DENND3: variants seen among roughly 807,000 people sequenced by gnomAD.
DENND3 encodes DENN domain containing 3.
DENND3 carries 88 observed loss-of-function variants against 135.1 expected under a neutral mutation model. That is an observed-to-expected ratio of 0.65 (90% confidence interval 0.55 to 0.78). The LOEUF (loss-of-function observed/expected upper bound fraction) is 0.78, where lower values mean the gene tolerates loss of function less well. Among genes scored for constraint, DENND3 ranks in the 30% least tolerant of loss-of-function variants. The pLI, the probability that DENND3 is intolerant of heterozygous loss-of-function variation, is 0.00. For synonymous variants in DENND3, 693 were observed against 712.3 expected (o/e 0.97, Z 0.43); for missense variants, 1,392 against 1,688.4 (o/e 0.82, Z 3.08).
rs1817850226 is a variant in DENND3 at position 141,144,747 on chromosome 8, A to C, written c.735+488A>C. ...GCATTAGGTTAAAATGGAGATCCTA[A>C]GACCGACAGAACAGACTCTCTGTGG... On this transcript the variant is annotated intron_variant, in intron 5 of 22. Coordinates refer to ENST00000519811, the MANE Select transcript of DENND3 (RefSeq NM_001352890.3). This position sits in a 1 kb window ranked among gnomAD's most constrained non-coding sequence, Gnocchi z 4.4. Among the ~76,000 whole-genome samples, 1 of 152,206 alleles carries C rather than the reference A, an allele frequency of 6.6e-6. No homozygotes were observed. The highest frequency in any genetic ancestry group is 2.4e-5 in the African/African-American group (1 of 41,452).
At chr8:141,148,168 C>T (rs1326904445) in intron 5 of DENND3, among the ~76,000 whole-genome samples, 1 of 152,066 alleles carries the variant, frequency 6.6e-6, no homozygotes, top group Non-Finnish European at 1.5e-5. Context: ...TGAGATGGGT[C>T]TTGTGTTTTG....
intron 7 of DENND3, among the ~76,000 whole-genome samples, chr8:141,152,979 G>T (rs1347067498): frequency 3.9e-5 from 6 of 151,974 alleles, no homozygotes; most frequent in African/African-American, 1.5e-4. Context: ...ATCTCACTGT[G>T]GTTTGATGTG....
At chr8:141,193,573 C>G in intron 22 of DENND3, 1 of 166,960 alleles carries the variant, frequency 6.0e-6, no homozygotes, top group Admixed American at 5.6e-5. Flanking sequence ...ACTTCCAGGC[C>G]CCGAGCAAGT....
intron 17 of DENND3, among the ~76,000 whole-genome samples, chr8:141,181,784 T>G (rs1172233294): frequency 1.3e-5 from 2 of 152,186 alleles, no homozygotes; most frequent in Non-Finnish European, 2.9e-5. Context: ...TATTTTTTAT[T>G]TTTTTGAGTC....
chr8:141,190,204 G>A (rs773224731), intron 19 of DENND3, 80 bp from the exon 20 acceptor site: 7 of 1,434,936 alleles, frequency 4.9e-6, no homozygotes, highest in Admixed American at 2.6e-5. Context: ...ATGGCGACTT[G>A]GTTCTCTCTT....
intron 4 of DENND3, chr8:141,142,363 G>A: frequency 2.2e-6 from 1 of 456,834 alleles, no homozygotes; most frequent in Non-Finnish European, 4.4e-6. Context: ...ATGAGCCACG[G>A]CAAATCGCTG....
At chr8:141,170,062 C>G (rs1486623644) in intron 13 of DENND3, among the ~76,000 whole-genome samples, 1 of 152,252 alleles carries the variant, frequency 6.6e-6, no homozygotes, top group Non-Finnish European at 1.5e-5. Context: ...AGTCTCGACT[C>G]TCGCCCGTTG....
rs1815956337 is a variant in DENND3, at chr8:141,130,726, G to A, written c.102+1917G>A. On this transcript the variant is annotated intron_variant, in intron 1 of 22. Coordinates refer to ENST00000519811, the MANE Select transcript of DENND3 (RefSeq NM_001352890.3). This position sits in a 1 kb window ranked among gnomAD's most constrained non-coding sequence, Gnocchi z 4.2. ...TTTTGAGACAGAGTTTTGCTCTGTT[G>A]CCCAGGATGGAGTGCCATGGTGCAA... Among the ~76,000 whole-genome samples, 1 of 146,420 alleles carries A rather than the reference G, an allele frequency of 6.8e-6. No individual in the cohort carries two copies. The highest frequency in any genetic ancestry group is 1.5e-5 in the Non-Finnish European group (1 of 66,924).
intron 1 of DENND3, among the ~76,000 whole-genome samples, chr8:141,134,809 G>A (rs1816575973): frequency 6.6e-6 from 1 of 152,084 alleles, no homozygotes; most frequent in Non-Finnish European, 1.5e-5. Context: ...TGTCAGCCAA[G>A]GTCCCATTTC....
intron 6 of DENND3, 37 bp from the exon 7 acceptor site, chr8:141,151,580 TTA>T: frequency 3.8e-6 from 6 of 1,579,558 alleles, no homozygotes; most frequent in Admixed American, 1.7e-5. Flanking sequence ...TTTTTTTTTT[TTA>T]AAAGCATGTA....
Position 141,155,834 on chromosome 8 carries a change from T to C in DENND3, c.1075-15T>C, listed in dbSNP as rs1184306097. On this transcript the variant is annotated splice_polypyrimidine_tract_variant and intron_variant, in intron 7 of 22. Coordinates refer to ENST00000519811, the MANE Select transcript of DENND3 (RefSeq NM_001352890.3). Reference sequence around the variant, plus strand: ...TTCTTTTATCAATCTTTACAGATGATTCCTTGTTTTCTAGGAAGCCGACGG... The same window carrying C: ...TTCTTTTATCAATCTTTACAGATGACTCCTTGTTTTCTAGGAAGCCGACGG... The C allele has an allele frequency of 1.3e-6, 2 of 1,577,316 alleles. No homozygotes were observed. Among genetic ancestry groups the C allele is most frequent in the South Asian group, 2.3e-5 (2 of 85,458 alleles).
At position 141,146,789 on chromosome 8, in the gene DENND3, T is replaced by C. The variant is rs1322132314; in HGVS notation, c.735+2530T>C. Reference sequence around the variant, plus strand: ...CTCCCAGAAGCCTTTGTAGGGCATGTTTATCGGCCGCGTGTTTTATGTGGA... The same window carrying C: ...CTCCCAGAAGCCTTTGTAGGGCATGCTTATCGGCCGCGTGTTTTATGTGGA... On this transcript the variant is annotated intron_variant, in intron 5 of 22. Transcript: ENST00000519811. This position sits in a 1 kb window ranked among gnomAD's most constrained non-coding sequence, Gnocchi z 4.3. Among the ~76,000 whole-genome samples, 9 of 152,124 alleles carry C rather than the reference T, an allele frequency of 5.9e-5. No individual in the cohort carries two copies. The highest frequency in any genetic ancestry group is 4.4e-5 in the Non-Finnish European group (3 of 68,022).
rs114771579 is a variant in DENND3, at chr8:141,132,843, G to A, written c.103-3666G>A. 2.4e-3 allele frequency among the ~76,000 whole-genome samples: 366 copies of A among 152,292 alleles called. 2 individuals carry two copies. The highest frequency in any genetic ancestry group is 8.4e-3 in the African/African-American group (350 of 41,558). On this transcript the variant is annotated intron_variant, in intron 1 of 22. Transcript: ENST00000519811. ...AATGACAGGTGGGGTGTTGAGTCTA[G>A]TGTGATCACCAGTGTTCAGTCCAGG...
intron 13 of DENND3, among the ~76,000 whole-genome samples, chr8:141,172,637 C>T (rs1011571388): frequency 6.6e-5 from 10 of 152,218 alleles, no homozygotes; most frequent in African/African-American, 2.4e-4. Flanking sequence ...TAGGTGATGG[C>T]TTCGCCGATT....
chr8:141,193,893 A>G (rs1347988842), intron 22 of DENND3, 140 bp from the exon 23 acceptor site: 1 of 942,004 alleles, frequency 1.1e-6, no homozygotes. Flanking sequence ...GGCGGCCCTG[A>G]CCCTCAGGCG....
chr8:141,192,222 G>A, intron 20 of DENND3, 109 bp from the exon 21 acceptor site: 1 of 1,480,440 alleles, frequency 6.8e-7, no homozygotes, highest in Non-Finnish European at 9.1e-7. Context: ...GGCACGTGGT[G>A]ATCCCCCCCA....
At chr8:141,158,697 CG>C (rs1411187658) in intron 8 of DENND3, among the ~76,000 whole-genome samples, 5 of 152,184 alleles carry the variant, frequency 3.3e-5, no homozygotes, top group Non-Finnish European at 7.4e-5. Context: ...CTGGGAGGGA[CG>C]GGGCAGCCCC....
rs900828258 is a variant in DENND3, at chr8:141,146,504, G to A, written c.735+2245G>A. Reference sequence around the variant, plus strand: ...TTCCTTTAATAGACACCCGTCAAACGTCTCAAAATGTTTAGTAAATGTCGA... The same window carrying A: ...TTCCTTTAATAGACACCCGTCAAACATCTCAAAATGTTTAGTAAATGTCGA... On this transcript the variant is annotated intron_variant, in intron 5 of 22. Coordinates refer to ENST00000519811, the MANE Select transcript of DENND3 (RefSeq NM_001352890.3). This position sits in a 1 kb window ranked among gnomAD's most constrained non-coding sequence, Gnocchi z 4.3. Among the ~76,000 whole-genome samples the A allele has an allele frequency of 7.2e-5, 11 of 152,268 alleles. No homozygotes were observed. The East Asian group carries it at 1.7e-3, about 24-fold the overall frequency.
At position 141,194,855 on chromosome 8, in the gene DENND3, GCTGT is replaced by G. The variant is rs1317903569; in HGVS notation, c.*625_*628del. ...ACAGGGGTTGGGCCAGCTGAGGCAA[GCTGT>G]CTTTTTTCCCTTTTCTTTTTAATAG... On this transcript the variant is annotated 3_prime_UTR_variant, in exon 23 of 23. Coordinates refer to ENST00000519811, the MANE Select transcript of DENND3 (RefSeq NM_001352890.3). 8.0e-6 allele frequency: 1 copy of G among 124,792 alleles called. No homozygotes were observed. Among genetic ancestry groups the G allele is most frequent in the East Asian group, 2.8e-4 (1 of 3,622 alleles). The allele number at this position is 124,792 out of a possible 1,614,324, so 7.7% of individuals were successfully genotyped here.
Sources: allele counts gnomAD v4.1 joint callset (sites outside exome capture counted in the v4.1 genomes callset), GRCh38; gene constraint gnomAD v4.1.1; non-coding constraint Gnocchi (gnomAD v3.1); transcripts MANE v1.5; gene names NCBI Gene and HGNC (gene_info 2026-07-23, HGNC 2026-07-21).